TBC1D4: variants seen among roughly 807,000 people sequenced by gnomAD.
TBC1D4 encodes TBC1 domain family member 4, also known as TBC (Tre-2, BUB2, CDC16) domain-containing protein.
TBC1D4 carries 121 observed loss-of-function variants against 142.5 expected under a neutral mutation model. That is an observed-to-expected ratio of 0.85 (90% CI 0.73 to 0.99). TBC1D4 has a LOEUF of 0.99. Ranked by LOEUF, TBC1D4 falls within the 50% of genes least tolerant of loss-of-function variation. The probability of loss-of-function intolerance (pLI) is 0.00; values close to 1 mark genes in which losing one functional copy is unlikely to be tolerated. For synonymous variants in TBC1D4, 630 were observed against 628.2 expected, an observed-to-expected ratio of 1.00 and a Z score of -0.04; for missense variants, 1,475 against 1,606.6, an observed-to-expected ratio of 0.92 and a Z score of 1.40.
intron 1 of TBC1D4, among the ~76,000 whole-genome samples, chr13:75,464,615 G>A (rs1888096401): frequency 6.6e-6 from 1 of 152,258 alleles, no homozygotes; most frequent in Admixed American, 6.5e-5. Context: ...ATTTCTGGGT[G>A]TGTGTCTTTA....
Position 75,408,145 on chromosome 13 carries a change from T to C in TBC1D4, c.499-45538A>G, listed in dbSNP as rs377707752. Among the ~76,000 whole-genome samples the C allele has an allele frequency of 1.4e-3, 209 of 152,242 alleles. 5 individuals carry two copies. The South Asian group carries it at 0.021, about 16-fold the overall frequency. The stretch of plus-strand genomic sequence containing the variant: ...CTTACCCCCTTCCCCCAAACACTGA[T>C]TTAATTTCTCTATGTATAGATTTAA... On this transcript the variant is annotated intron_variant, in intron 1 of 20. Transcript: ENST00000377636.
chr13:75,462,030 ATGGTCACAG>A (rs1418785760), intron 1 of TBC1D4, among the ~76,000 whole-genome samples: 1 of 152,192 alleles, frequency 6.6e-6, no homozygotes, highest in Non-Finnish European at 1.5e-5. Context: ...ATATTTGCTA[ATGGTCACAG>A]TGTGGTGATG....
intron 11 of TBC1D4, among the ~76,000 whole-genome samples, chr13:75,322,004 G>T (rs539897797): frequency 6.6e-6 from 1 of 152,312 alleles, no homozygotes; most frequent in South Asian, 2.1e-4. Context: ...GATATCTGAG[G>T]TCAGCATGGG....
chr13:75,341,599 G>A lies in TBC1D4; in HGVS notation c.1409-12C>T, dbSNP rs367617947. 2 of 1,603,006 alleles carry A rather than the reference G, an allele frequency of 1.2e-6. No homozygotes were observed. The highest frequency in any genetic ancestry group is 1.7e-5 in the Admixed American group (1 of 59,974). ...TGGTGGGTAGAGACCTAAGGAAAATGATGAGGGAAGGTATTAAACAGAGTC... is the reference window on the plus strand; with the variant it reads ...TGGTGGGTAGAGACCTAAGGAAAATAATGAGGGAAGGTATTAAACAGAGTC... On this transcript the variant is annotated splice_polypyrimidine_tract_variant and intron_variant, in intron 5 of 20. Coordinates refer to ENST00000377636, the MANE Select transcript of TBC1D4 (RefSeq NM_014832.5).
intron 12 of TBC1D4, 36 bp downstream of exon 12, chr13:75,319,977 AT>A (rs1218659518): frequency 1.9e-6 from 3 of 1,605,484 alleles, no homozygotes; most frequent in South Asian, 1.1e-5. Context: ...GAATCTGTGA[AT>A]TTTTTTTAAA....
chr13:75,335,651 T>C (rs1016049369), intron 8 of TBC1D4, among the ~76,000 whole-genome samples: 2 of 152,104 alleles, frequency 1.3e-5, no homozygotes, highest in African/African-American at 4.8e-5. Context: ...GTTCTCATGA[T>C]ACTGAGTTCT....
chr13:75,288,688 G>T lies in TBC1D4; in HGVS notation c.3663+246C>A, dbSNP rs138713794. On this transcript the variant is annotated intron_variant, in intron 20 of 20. Transcript: ENST00000377636. ...TAATTTAACCAAATATCTATAACAT[G>T]CAACAGGTATTTAAGCAGATTCCAC... Among the ~76,000 whole-genome samples the T allele has an allele frequency of 3.0e-4, 45 of 152,132 alleles. No homozygotes were observed. In the East Asian group the frequency reaches 8.3e-3, roughly 28 times the overall value.
Position 75,442,750 on chromosome 13 carries a change from G to T in TBC1D4, c.498+38520C>A, listed in dbSNP as rs537895470. ...GCCGAGATCGCGCCACTGCACTCCAGCCTGGCAACAGAGCGAGACTCGGTT... is the reference window on the plus strand; with the variant it reads ...GCCGAGATCGCGCCACTGCACTCCATCCTGGCAACAGAGCGAGACTCGGTT... On this transcript the variant is annotated intron_variant, in intron 1 of 20. Transcript: ENST00000377636. Among the ~76,000 whole-genome samples, 31 of 151,152 alleles carry T rather than the reference G, an allele frequency of 2.1e-4. No individual in the cohort carries two copies. The South Asian group carries it at 6.1e-3, about 30-fold the overall frequency.
intron 1 of TBC1D4, among the ~76,000 whole-genome samples, chr13:75,366,052 G>GAGC (rs1341536627): frequency 2.6e-5 from 4 of 152,070 alleles, no homozygotes. Context: ...AAATGTTATA[G>GAGC]AGCACCTCAA....
At chr13:75,317,377 C>T (rs541718255) in intron 12 of TBC1D4, among the ~76,000 whole-genome samples, 3 of 152,268 alleles carry the variant, frequency 2.0e-5, no homozygotes, top group Admixed American at 1.3e-4. Context: ...AGAGAAATAA[C>T]TTCAGAGTAC....
At chr13:75,384,738 C>T (rs1318091025) in intron 1 of TBC1D4, among the ~76,000 whole-genome samples, 1 of 151,950 alleles carries the variant, frequency 6.6e-6, no homozygotes, top group African/African-American at 2.4e-5. Flanking sequence ...AAAAAAAGAA[C>T]TTTGGAAAGA....
chr13:75,396,033 C>CCTG (rs1275367053), intron 1 of TBC1D4, among the ~76,000 whole-genome samples: 2 of 152,058 alleles, frequency 1.3e-5, no homozygotes, highest in Non-Finnish European at 2.9e-5. Flanking sequence ...TTTCTCATGA[C>CCTG]CTGCTATTAA....
At chr13:75,332,297 G>A (rs534466443) in intron 8 of TBC1D4, among the ~76,000 whole-genome samples, 144 of 152,288 alleles carry the variant, frequency 9.5e-4, no homozygotes, top group African/African-American at 3.3e-3. Context: ...ACAATTACAT[G>A]AGGCAAGTGG....
chr13:75,363,830 G>C (rs1258437591), intron 1 of TBC1D4, among the ~76,000 whole-genome samples: 1 of 152,216 alleles, frequency 6.6e-6, no homozygotes, highest in Non-Finnish European at 1.5e-5. Context: ...AGCAAGTGAA[G>C]AGATAAATAA....
In TBC1D4 at chr13:75,322,790, G is replaced by T. The variant is rs561812097; in HGVS notation, c.2198+1447C>A. Among the ~76,000 whole-genome samples, 131 of 152,250 alleles carry T rather than the reference G, an allele frequency of 8.6e-4. 1 individual carries two copies. The highest frequency in any genetic ancestry group is 7.0e-3 in the South Asian group (34 of 4,830). On this transcript the variant is annotated intron_variant, in intron 11 of 20. Transcript: ENST00000377636. ...AGATACGGCAAACTGATATCTTTAT[G>T]TATATTCTTGGTTCTCTAAATTAGT...
Position 75,306,562 on chromosome 13 carries a change from G to A in TBC1D4, c.2594-91C>T, listed in dbSNP as rs1209070712. 1.7e-5 allele frequency: 25 copies of A among 1,489,060 alleles called. No homozygotes were observed. The East Asian group carries it at 5.5e-4, about 33-fold the overall frequency. 92.2% of individuals were successfully genotyped at this position (1,489,060 alleles called of 1,614,324 possible). A position where few individuals can be genotyped will look rare whatever the true frequency, so the allele number is the denominator to read the frequency against. ...TTGTATTTGTAAAACCATACCAAAT[G>A]ACTTTCAGGAATCAACTGGTAGTGT... On this transcript the variant is annotated intron_variant, in intron 14 of 20. Coordinates refer to ENST00000377636, the MANE Select transcript of TBC1D4 (RefSeq NM_014832.5).
At chr13:75,367,105 T>G (rs534698463) in intron 1 of TBC1D4, 1 of 329,908 alleles carries the variant, frequency 3.0e-6, no homozygotes, top group Non-Finnish European at 4.3e-6. Context: ...GTAACCATTA[T>G]TGCTTCAAAA....
chr13:75,312,147 G>T (rs1877816237), intron 13 of TBC1D4, among the ~76,000 whole-genome samples: 1 of 151,940 alleles, frequency 6.6e-6, no homozygotes, highest in South Asian at 2.1e-4. Flanking sequence ...AGTTTAATAG[G>T]TCAATTACTC....
In TBC1D4 at chr13:75,292,170, T is replaced by C. The variant is rs1566341145; in HGVS notation, c.3418A>G (p.Ile1140Val). ...LIMECESFEN[I>V]VEFLKNTLPD... The stretch of plus-strand genomic sequence containing the variant: ...AGCGTGTTTTTAAGAAACTCAACAA[T>C]ATTTTCAAAGCTCTCACATTCCATT... Residue 1140 changes from isoleucine to valine, a missense_variant, in exon 19 of 21, where the codon ATT becomes GTT. This residue lies in a region of TBC1D4 where 248 missense variants were observed against 338.9 expected (regional missense o/e 0.73). Transcript: ENST00000377636. The C allele has an allele frequency of 6.2e-7, 1 of 1,613,490 alleles. No individual in the cohort carries two copies. Among genetic ancestry groups the C allele is most frequent in the South Asian group, 1.1e-5 (1 of 91,034 alleles).
Sources: gnomAD v4.1 joint callset for allele counts (sites outside exome capture counted in the v4.1 genomes callset) on GRCh38, gnomAD v4.1.1 for gene constraint, gnomAD v4.1.1 regional missense constraint, MANE v1.5 for transcripts, NCBI Gene and HGNC (gene_info 2026-07-23, HGNC 2026-07-21) for gene names.